The following BAZ2A variants were observed in gnomAD, a reference collection of about 807,000 sequenced individuals.
BAZ2A encodes bromodomain adjacent to zinc finger domain 2A.
BAZ2A carries 34 observed loss-of-function variants against 199.9 expected under a neutral mutation model. The observed-to-expected ratio is 0.17, with a 90% CI of 0.13 to 0.23. The LOEUF (loss-of-function observed/expected upper bound fraction) is 0.23, where lower values mean the gene tolerates loss of function less well. Ranked by LOEUF, BAZ2A falls within the 10% of genes least tolerant of loss-of-function variation. The pLI is 1.00. For missense variants in BAZ2A, 2,002 were observed against 2,391.1 expected (o/e 0.84, Z 3.39); for synonymous variants, 857 against 883.9 (o/e 0.97, Z 0.54).
chr12:56,621,023 G>A (rs1324482303), intron 1 of BAZ2A: 3 of 969,228 alleles, frequency 3.1e-6, no homozygotes, highest in Non-Finnish European at 3.7e-6. Flanking sequence ...AGAGCAAGGA[G>A]GACACTCTTC....
At chr12:56,607,265 C>T (rs751524713) in intron 10 of BAZ2A, among the ~76,000 whole-genome samples, 47 of 152,352 alleles carry the variant, frequency 3.1e-4, no homozygotes, top group Non-Finnish European at 5.1e-4. Flanking sequence ...AGCTCCATGT[C>T]TTGCTTCACT....
chr12:56,620,322 A>C (rs576850271), intron 1 of BAZ2A, among the ~76,000 whole-genome samples: 1 of 152,104 alleles, frequency 6.6e-6, no homozygotes, highest in South Asian at 2.1e-4. Context: ...CAGTGAAAAA[A>C]TGGAGTCTTT....
At chr12:56,614,224 G>A (rs147672670) in intron 3 of BAZ2A, 86 bp from the exon 4 acceptor site, 7 of 1,349,548 alleles carry the variant, frequency 5.2e-6, no homozygotes, top group African/African-American at 1.5e-5. Flanking sequence ...ATCTTTGCTA[G>A]AAGGATGTTC....
At chr12:56,637,946 GCTT>G (rs1424811412), upstream of BAZ2A, among the ~76,000 whole-genome samples, 1 of 152,124 alleles carries the variant, frequency 6.6e-6, no homozygotes, top group African/African-American at 2.4e-5. Context: ...TGCTGAAACT[GCTT>G]CTTATAGCCA....
At chr12:56,604,121 G>A (rs1398789795) in intron 16 of BAZ2A, 96 bp downstream of exon 16, 1 of 1,211,748 alleles carries the variant, frequency 8.3e-7, no homozygotes, top group Non-Finnish European at 1.2e-6. Flanking sequence ...CCCAGGGAAG[G>A]GGCTAAAGCA....
At chr12:56,604,517 G>T in intron 15 of BAZ2A, 68 bp downstream of exon 15, 1 of 1,472,420 alleles carries the variant, frequency 6.8e-7, no homozygotes, top group Non-Finnish European at 9.1e-7. Flanking sequence ...ACTTCTGGAA[G>T]GCTACAAGTC....
At chr12:56,609,410 T>G (rs1950487079) in intron 10 of BAZ2A, among the ~76,000 whole-genome samples, 1 of 151,940 alleles carries the variant, frequency 6.6e-6, no homozygotes, top group African/African-American at 2.4e-5. Flanking sequence ...ATGGGTAAGG[T>G]AAAAGGGTAC....
intron 1 of BAZ2A, among the ~76,000 whole-genome samples, chr12:56,625,758 C>T (rs1210220577): frequency 1.3e-5 from 2 of 151,248 alleles, no homozygotes; most frequent in African/African-American, 2.4e-5. Context: ...CGCCTGTAGT[C>T]CCAGCTACAC....
In BAZ2A at chr12:56,604,568, C is replaced by T. The variant is rs530790141; in HGVS notation, c.2963+17G>A. 19 of 1,556,122 alleles carry T rather than the reference C, an allele frequency of 1.2e-5. No individual in the cohort carries two copies. Among genetic ancestry groups the T allele is most frequent in the Admixed American group, 1.9e-5 (1 of 51,600 alleles). On this transcript the variant is annotated intron_variant, in intron 15 of 28. Coordinates refer to ENST00000549884, the MANE Select transcript of BAZ2A (RefSeq NM_001300905.2). Reference sequence around the variant, plus strand: ...ATGCAAGGGATACAATGACCATCCCCACTCCCAGCCTCTCACTTGATGATG... The same window carrying T: ...ATGCAAGGGATACAATGACCATCCCTACTCCCAGCCTCTCACTTGATGATG...
chr12:56,599,203 C>G lies in BAZ2A; in HGVS notation c.5328G>C (p.Ser1776=), dbSNP rs775758301. ...GCTTGGAGGGGGAGAGCCCTTCTTC[C>G]GAGTACCGAGGCCCTGCTGCTGGGC... The part of the protein sequence containing the change: ...RESPAAGPRY[S]EEGLSPSKRR... Residue 1776 remains serine (S), a synonymous_variant, in exon 27 of 29, where the codon TCG becomes TCC. Transcript: ENST00000549884. The G allele has an allele frequency of 1.2e-6, 2 of 1,613,282 alleles. No individual in the cohort carries two copies. The highest frequency in any genetic ancestry group is 1.7e-6 in the Non-Finnish European group (2 of 1,179,674).
At chr12:56,618,614 A>C (rs549932479) in intron 1 of BAZ2A, among the ~76,000 whole-genome samples, 1 of 152,202 alleles carries the variant, frequency 6.6e-6, no homozygotes, top group Non-Finnish European at 1.5e-5. Context: ...ACTACATTTT[A>C]AAAAAGAGAA....
chr12:56,625,875 C>CAAA (rs748737235), intron 1 of BAZ2A, among the ~76,000 whole-genome samples: 140 of 52,486 alleles, frequency 2.7e-3, no homozygotes, highest in East Asian at 5.2e-3. Context: ...AACTCCGTCT[C>CAAA]AAAAAAAAAA....
At chr12:56,636,169 TCC>T in intron 1 of BAZ2A, 1 of 1,592,236 alleles carries the variant, frequency 6.3e-7, no homozygotes, top group Non-Finnish European at 8.6e-7. Context: ...CCGGGGCTGG[TCC>T]CCATACTCAC....
chr12:56,632,410 T>C (rs1221052406), upstream of BAZ2A, among the ~76,000 whole-genome samples: 1 of 152,082 alleles, frequency 6.6e-6, no homozygotes, highest in Non-Finnish European at 1.5e-5. Flanking sequence ...GCTCCCAATC[T>C]TAAAGGGGGC....
intron 1 of BAZ2A, among the ~76,000 whole-genome samples, chr12:56,629,048 A>C (rs1318138587): frequency 1.3e-5 from 2 of 152,200 alleles, no homozygotes; most frequent in African/African-American, 2.4e-5. Flanking sequence ...AAGTCCAACG[A>C]AAGGTCTCTC....
upstream of BAZ2A, chr12:56,636,402 G>A: frequency 7.4e-7 from 1 of 1,356,874 alleles, no homozygotes; most frequent in Non-Finnish European, 9.6e-7. Flanking sequence ...GAGGAGGGAA[G>A]GGCGGGGCTT....
At chr12:56,621,350 T>C (rs1468728862) in intron 1 of BAZ2A, 2 of 803,558 alleles carry the variant, frequency 2.5e-6, no homozygotes, top group African/African-American at 1.9e-5. Flanking sequence ...GGAAGTTATT[T>C]AGTATGTGAG....
At chr12:56,599,612 C>A (rs1886219547) in intron 26 of BAZ2A, 90 bp downstream of exon 26, 1 of 1,568,274 alleles carries the variant, frequency 6.4e-7, no homozygotes, top group East Asian at 2.3e-5. Flanking sequence ...CCCCTAATAC[C>A]CAGTCTAGGA....
Position 56,603,849 on chromosome 12 carries a change from C to G in BAZ2A, c.3039-149G>C, listed in dbSNP as rs143692289. The G allele has an allele frequency of 1.0e-3, 939 of 911,084 alleles. 11 individuals carry two copies. The African/African-American group carries it at 0.015, about 15-fold the overall frequency. The allele number at this position is 911,084 out of a possible 1,614,324, so 56.4% of individuals were successfully genotyped here. A position where few individuals can be genotyped will look rare whatever the true frequency, so the allele number is the denominator to read the frequency against. On this transcript the variant is annotated intron_variant, in intron 16 of 28. Transcript: ENST00000549884. ...CCAACATGGTGAAACCCTGTCTCTA[C>G]TAAAAATACAAAAATCAGCCAGGTG...
Sources: allele counts gnomAD v4.1 joint callset (sites outside exome capture counted in the v4.1 genomes callset), GRCh38; gene constraint gnomAD v4.1.1; transcripts MANE v1.5; gene names NCBI Gene and HGNC (gene_info 2026-07-23, HGNC 2026-07-21).